Variants in PDE1C observed in about 807,000 individuals in gnomAD.
PDE1C encodes the protein phosphodiesterase 1C.
A neutral mutation model predicts 93.1 loss-of-function variants in PDE1C; 62 were observed. The observed-to-expected ratio is 0.67, with a 90% CI of 0.54 to 0.82. The LOEUF is 0.82. Ranked by LOEUF, PDE1C falls within the 40% of genes least tolerant of loss-of-function variation. PDE1C has a pLI of 0.00. For missense variants in PDE1C, 742 were observed against 884.6 expected (o/e 0.84, Z 2.04); for synonymous variants, 325 against 310.1 (o/e 1.05, Z -0.50).
intron 16 of PDE1C, among the ~76,000 whole-genome samples, chr7:31,807,497 A>G (rs1457656754): frequency 1.3e-5 from 2 of 152,094 alleles, no homozygotes; most frequent in East Asian, 3.9e-4. Flanking sequence ...GAAGGTGATA[A>G]AATATAATCC....
intron 5 of PDE1C, among the ~76,000 whole-genome samples, chr7:31,877,479 G>T (rs1796735155): frequency 6.6e-6 from 1 of 151,910 alleles, no homozygotes; most frequent in South Asian, 2.1e-4. Context: ...ATTACTAAGA[G>T]CTTACCATGT....
intron 12 of PDE1C, among the ~76,000 whole-genome samples, chr7:31,825,863 A>G (rs1789589005): frequency 6.6e-6 from 1 of 151,628 alleles, no homozygotes; most frequent in South Asian, 2.1e-4. Flanking sequence ...CCAAGAAAAG[A>G]CAATGGGCTC....
intron 1 of PDE1C, among the ~76,000 whole-genome samples, chr7:32,404,673 G>A (rs1474786078): frequency 6.6e-6 from 1 of 152,134 alleles, no homozygotes; most frequent in Non-Finnish European, 1.5e-5. Context: ...TGTATTCAGT[G>A]ACAGAGGCAA....
At chr7:32,268,388 G>A (rs1810753945) in intron 1 of PDE1C, among the ~76,000 whole-genome samples, 1 of 152,130 alleles carries the variant, frequency 6.6e-6, no homozygotes, top group Non-Finnish European at 1.5e-5. Flanking sequence ...TAGAAAATGA[G>A]ACTAATGATA....
the PDE1C span, among the ~76,000 whole-genome samples, chr7:31,647,043 T>C: frequency 6.6e-6 from 1 of 152,336 alleles, no homozygotes; most frequent in Admixed American, 6.5e-5. Context: ...CACATATACG[T>C]GTGCATATTT....
intron 16 of PDE1C, among the ~76,000 whole-genome samples, chr7:31,798,322 T>G (rs1785560383): frequency 6.6e-6 from 1 of 151,772 alleles, no homozygotes; most frequent in Admixed American, 6.6e-5. Flanking sequence ...TCTGCCATTG[T>G]GTAGAGCTCT....
rs141061619 is a variant in PDE1C at position 32,062,597 on chromosome 7, C to A, written c.101+7696G>T. ...TTCCTCAGAGAAGCCTTCTCTGAATCCCGGACCAGGTTTGGGTCCTCTCTT... is the reference window on the plus strand; with the variant it reads ...TTCCTCAGAGAAGCCTTCTCTGAATACCGGACCAGGTTTGGGTCCTCTCTT... On this transcript the variant is annotated intron_variant, in intron 1 of 17. Coordinates refer to ENST00000396191, the MANE Select transcript of PDE1C (RefSeq NM_001191057.4). 6.2e-4 allele frequency among the ~76,000 whole-genome samples: 94 copies of A among 152,328 alleles called. 1 individual carries two copies. The highest frequency in any genetic ancestry group is 2.1e-3 in the African/African-American group (88 of 41,562).
intron 1 of PDE1C, among the ~76,000 whole-genome samples, chr7:32,320,471 T>C (rs1317948679): frequency 2.0e-5 from 3 of 152,108 alleles, no homozygotes; most frequent in Non-Finnish European, 2.9e-5. Context: ...CGTTTACCTA[T>C]ATAACAAACC....
chr7:31,732,683 G>A, the PDE1C span, among the ~76,000 whole-genome samples: 2 of 115,790 alleles, frequency 1.7e-5, no homozygotes, highest in South Asian at 5.4e-4. Flanking sequence ...TGTGTGACTG[G>A]TCTGCTTCTC....
chr7:32,048,514 GA>G (rs952671740), intron 2 of PDE1C, among the ~76,000 whole-genome samples: 5 of 151,246 alleles, frequency 3.3e-5, no homozygotes, highest in African/African-American at 9.7e-5. Context: ...GGGAGAGAGA[GA>G]AAAAAAATAG....
chr7:32,036,462 G>A (rs1212168499), intron 2 of PDE1C, among the ~76,000 whole-genome samples: 1 of 151,998 alleles, frequency 6.6e-6, no homozygotes, highest in East Asian at 1.9e-4. Flanking sequence ...GTAGAAGAAA[G>A]GAAATAATAA....
Position 32,199,121 on chromosome 7 carries a change from A to C in PDE1C, c.136+10368T>G, listed in dbSNP as rs149396121. ...CTGGGTGACAAGAGCAAAACTACCA[A>C]AAATAAAAATTTAAAAAAAAAAACA... On this transcript the variant is annotated intron_variant, in intron 2 of 18. Transcript: ENST00000396193. Among the ~76,000 whole-genome samples, 488 of 149,572 alleles carry C rather than the reference A, an allele frequency of 3.3e-3. 12 individuals carry two copies. Among genetic ancestry groups the C allele is most frequent in the Middle Eastern group, 3.4e-3 (1 of 294 alleles).
intron 7 of PDE1C, among the ~76,000 whole-genome samples, chr7:31,851,349 T>C (rs886165020): frequency 1.3e-5 from 2 of 152,184 alleles, no homozygotes; most frequent in Non-Finnish European, 2.9e-5. Context: ...GGGAGCTTGT[T>C]AGAAATGCTG....
chr7:31,743,575 GCACACA>G, the PDE1C span, among the ~76,000 whole-genome samples: 1 of 147,942 alleles, frequency 6.8e-6, no homozygotes, highest in Non-Finnish European at 1.5e-5. Context: ...GTGTGTGTGC[GCACACA>G]CACACACACA....
intron 1 of PDE1C, among the ~76,000 whole-genome samples, chr7:32,337,197 T>G (rs1487022386): frequency 2.0e-5 from 3 of 152,156 alleles, no homozygotes; most frequent in Non-Finnish European, 4.4e-5. Context: ...TGAGTATTTA[T>G]TGAGCCCTTA....
the PDE1C span, among the ~76,000 whole-genome samples, chr7:31,668,681 A>G: frequency 6.6e-6 from 1 of 152,136 alleles, no homozygotes; most frequent in Non-Finnish European, 1.5e-5. Context: ...GAGAATGGGA[A>G]GGGAGAATGG....
intron 17 of PDE1C, among the ~76,000 whole-genome samples, chr7:31,761,078 T>C (rs1418521372): frequency 4.5e-5 from 2 of 44,454 alleles, no homozygotes; most frequent in African/African-American, 9.5e-5. Flanking sequence ...TAATAGCTGA[T>C]ACTATGTACT....
At chr7:31,929,975 T>A (rs1224266221) in intron 2 of PDE1C, among the ~76,000 whole-genome samples, 3 of 152,082 alleles carry the variant, frequency 2.0e-5, no homozygotes, top group Admixed American at 6.6e-5. Context: ...AATCAAGGAA[T>A]CCAGGAGCTG....
intron 3 of PDE1C, chr7:32,169,663 T>G: frequency 1.2e-6 from 1 of 817,454 alleles, no homozygotes; most frequent in Non-Finnish European, 2.0e-6. Flanking sequence ...TTCATCAATT[T>G]TAATTTATTC....
Sources: gnomAD v4.1 joint callset for allele counts (sites outside exome capture counted in the v4.1 genomes callset) on GRCh38, gnomAD v4.1.1 for gene constraint, MANE v1.5 for transcripts, NCBI Gene and HGNC (gene_info 2026-07-23, HGNC 2026-07-21) for gene names.